The following RAB3GAP1 variants were observed in gnomAD, a reference collection of about 807,000 sequenced individuals.
RAB3GAP1 encodes rab3 GTPase-activating protein catalytic subunit.
A neutral mutation model predicts 130.7 loss-of-function variants in RAB3GAP1; 86 were observed. The observed-to-expected ratio is 0.66, with a 90% CI of 0.55 to 0.79. The LOEUF is 0.79. Among genes scored for constraint, RAB3GAP1 ranks in the 30% least tolerant of loss-of-function variants. The probability of loss-of-function intolerance (pLI) is 0.00; values close to 1 mark genes in which losing one functional copy is unlikely to be tolerated. For synonymous variants in RAB3GAP1, 367 were observed against 401.7 expected, an observed-to-expected ratio of 0.91 and a Z score of 1.03; for missense variants, 1,029 against 1,169.4, an observed-to-expected ratio of 0.88 and a Z score of 1.75.
intron 6 of RAB3GAP1, among the ~76,000 whole-genome samples, chr2:135,114,751 G>A (rs553662365): frequency 2.0e-5 from 3 of 152,304 alleles, no homozygotes; most frequent in South Asian, 2.1e-4. Context: ...GGGAAAATAC[G>A]TGTGTTAACA....
intron 5 of RAB3GAP1, among the ~76,000 whole-genome samples, chr2:135,099,618 A>G (rs1175714918): frequency 1.3e-5 from 2 of 150,656 alleles, no homozygotes; most frequent in East Asian, 3.9e-4. Context: ...GTCAGAAAGT[A>G]TTTTGTTCTC....
chr2:135,162,525 G>T (rs773514048), intron 19 of RAB3GAP1, 30 bp from the exon 20 acceptor site: 1 of 1,564,402 alleles, frequency 6.4e-7, no homozygotes, highest in African/African-American at 1.4e-5. Flanking sequence ...CACCTGCGCT[G>T]ATCATTTGTG....
chr2:135,058,111 T>C, intron 3 of RAB3GAP1, 25 bp downstream of exon 3: 1 of 1,562,526 alleles, frequency 6.4e-7, no homozygotes, highest in South Asian at 1.1e-5. Flanking sequence ...CTGGTGTCTC[T>C]AAATGACTAT....
chr2:135,165,091 A>G (rs1692596341), intron 23 of RAB3GAP1: 3 of 452,376 alleles, frequency 6.6e-6, no homozygotes, highest in Admixed American at 4.8e-5. Flanking sequence ...TGGAGTCACA[A>G]CTCAGCTTGA....
At chr2:135,117,761 TTCTGCTGCTTCTTCTGCTTCTTCTGC>T in intron 7 of RAB3GAP1, among the ~76,000 whole-genome samples, 1 of 148,508 alleles carries the variant, frequency 6.7e-6, no homozygotes, top group South Asian at 2.1e-4. Context: ...CTTCTGCTTC[TTCTGCTGCTTCTTCTGCTTCTTCTGC>T]TTCTTCTTCT....
chr2:135,148,033 T>C (rs1419282925), intron 17 of RAB3GAP1, among the ~76,000 whole-genome samples: 1 of 152,234 alleles, frequency 6.6e-6, no homozygotes, highest in Non-Finnish European at 1.5e-5. Flanking sequence ...TTTGAATTTA[T>C]AGTCTAAATC....
chr2:135,063,164 G>A (rs1689224527), intron 3 of RAB3GAP1, among the ~76,000 whole-genome samples: 1 of 152,110 alleles, frequency 6.6e-6, no homozygotes, highest in Non-Finnish European at 1.5e-5. Context: ...ATAAGACTGA[G>A]TAAATTATTT....
chr2:135,091,277 G>A, intron 4 of RAB3GAP1, 147 bp downstream of exon 4: 1 of 690,210 alleles, frequency 1.4e-6, no homozygotes, highest in Non-Finnish European at 2.4e-6. Context: ...CTGAGGTAGA[G>A]GATGAATTAC....
chr2:135,055,730 A>C (rs935438477), intron 2 of RAB3GAP1, among the ~76,000 whole-genome samples: 58 of 152,126 alleles, frequency 3.8e-4, no homozygotes, highest in African/African-American at 1.4e-3. Flanking sequence ...ACTATATTTT[A>C]AATAGTTTTC....
intron 3 of RAB3GAP1, among the ~76,000 whole-genome samples, chr2:135,088,943 G>A (rs1690063154): frequency 6.6e-6 from 1 of 152,066 alleles, no homozygotes; most frequent in Non-Finnish European, 1.5e-5. Context: ...TTTGGTGTTT[G>A]TTGCCATTGC....
chr2:135,074,782 G>A (rs1689575254), intron 3 of RAB3GAP1, among the ~76,000 whole-genome samples: 1 of 152,230 alleles, frequency 6.6e-6, no homozygotes, highest in South Asian at 2.1e-4. Flanking sequence ...TGTATTTAGA[G>A]GAAGTACGTA....
intron 5 of RAB3GAP1, 92 bp downstream of exon 5, chr2:135,093,785 C>G (rs1364658094): frequency 1.0e-6 from 1 of 987,172 alleles, no homozygotes; most frequent in East Asian, 2.4e-5. Context: ...TAAGAAGACT[C>G]AGAGGACTCA....
At chr2:135,128,758 T>G (rs917678467) in intron 11 of RAB3GAP1, among the ~76,000 whole-genome samples, 1 of 152,252 alleles carries the variant, frequency 6.6e-6, no homozygotes, top group African/African-American at 2.4e-5. Flanking sequence ...TTAGATGTAC[T>G]TGATGTATCT....
In RAB3GAP1 at chr2:135,168,672, C is replaced by T. The variant is rs373166726; in HGVS notation, c.2837C>T (p.Pro946Leu). ...GAATTCATTTTGCGCACCACTGTGC[C>T]GCGCCCTGCTCCCTACTCCAAAGCT... ...GREFILRTTV[P>L]RPAPYSKALP... Residue 946 changes from proline (P) to leucine (L), a missense_variant, in exon 24 of 24, where the codon CCG (proline) becomes CTG (leucine). Physicochemically the swap from Pro to Leu is moderately conservative, Grantham distance 98 (BLOSUM62 -3). Around this residue, in one of 3 missense-constraint regions of RAB3GAP1, gnomAD observed 146 missense variants for 143.7 expected, o/e 1.02. Coordinates refer to ENST00000264158, the MANE Select transcript of RAB3GAP1 (RefSeq NM_012233.3). 1.8e-5 allele frequency: 29 copies of T among 1,614,056 alleles called. No homozygotes were observed. The highest frequency in any genetic ancestry group is 1.1e-4 in the African/African-American group (8 of 74,910).
At chr2:135,081,642 C>T (rs1345925575) in intron 3 of RAB3GAP1, among the ~76,000 whole-genome samples, 1 of 151,722 alleles carries the variant, frequency 6.6e-6, no homozygotes, top group Non-Finnish European at 1.5e-5. Flanking sequence ...AGGAAAGCTG[C>T]TTGAAAAATG....
At chr2:135,173,972 G>C (rs1252051569), downstream of RAB3GAP1, among the ~76,000 whole-genome samples, 2 of 152,218 alleles carry the variant, frequency 1.3e-5, no homozygotes, top group African/African-American at 2.4e-5. Context: ...GACTAAGTTT[G>C]AGAATATTAG....
chr2:135,166,186 T>G (rs1416808221), intron 23 of RAB3GAP1, among the ~76,000 whole-genome samples: 1 of 151,660 alleles, frequency 6.6e-6, no homozygotes, highest in East Asian at 1.9e-4. Context: ...AAAAAAGTTA[T>G]GTGTTAAGAG....
chr2:135,069,939 A>G (rs1034259606), intron 3 of RAB3GAP1, among the ~76,000 whole-genome samples: 1 of 152,228 alleles, frequency 6.6e-6, no homozygotes, highest in African/African-American at 2.4e-5. Context: ...ATCCATCAGA[A>G]AGAGTCATTT....
chr2:135,147,184 A>G (rs1355630287), intron 17 of RAB3GAP1, among the ~76,000 whole-genome samples: 1 of 152,030 alleles, frequency 6.6e-6, no homozygotes, highest in African/African-American at 2.4e-5. Context: ...TGTCTGTACT[A>G]AAAATACAAA....
Sources: gnomAD v4.1 joint callset for allele counts (sites outside exome capture counted in the v4.1 genomes callset) on GRCh38, gnomAD v4.1.1 for gene constraint, gnomAD v4.1.1 regional missense constraint, MANE v1.5 for transcripts, NCBI Gene and HGNC (gene_info 2026-07-23, HGNC 2026-07-21) for gene names.